Variants in TRIM35 observed in about 807,000 individuals in gnomAD.
TRIM35 encodes tripartite motif containing 35.
In TRIM35, 37 loss-of-function variants were observed where a neutral mutation model predicts 49.1. The observed-to-expected ratio is 0.75, with a 90% CI of 0.58 to 0.99. The LOEUF (loss-of-function observed/expected upper bound fraction) is 0.99. TRIM35 is among the 50% of genes least tolerant of loss of function. The pLI is 0.00. For missense variants in TRIM35, 648 were observed against 702.7 expected, an observed-to-expected ratio of 0.92 and a Z score of 0.88; for synonymous variants, 302 against 289.3, an observed-to-expected ratio of 1.04 and a Z score of -0.45.
intron 1 of TRIM35, among the ~76,000 whole-genome samples, chr8:27,305,810 G>A (rs1319916153): frequency 6.6e-6 from 1 of 152,186 alleles, no homozygotes; most frequent in African/African-American, 2.4e-5. Context: ...TGGGAGGCAG[G>A]AAACCTGAGT....
chr8:27,297,618 C>T (rs78341712), intron 2 of TRIM35, among the ~76,000 whole-genome samples: 7,281 of 152,194 alleles, frequency 0.048, 573 homozygotes, highest in African/African-American at 0.16. Context: ...AAATAGAAAA[C>T]AAAAGGTAAT....
At chr8:27,289,678 G>T (rs1375248312) in intron 4 of TRIM35, among the ~76,000 whole-genome samples, 1 of 152,280 alleles carries the variant, frequency 6.6e-6, no homozygotes, top group South Asian at 2.1e-4. Context: ...CTGCCAGTGG[G>T]AAGTGAGCAC....
intron 2 of TRIM35, among the ~76,000 whole-genome samples, chr8:27,297,627 AT>A (rs1802596611): frequency 6.6e-6 from 1 of 152,262 alleles, no homozygotes; most frequent in Non-Finnish European, 1.5e-5. Context: ...ACAAAAGGTA[AT>A]TACAGGTAAT....
chr8:27,303,097 A>T (rs1158389637), intron 1 of TRIM35, among the ~76,000 whole-genome samples: 1 of 152,208 alleles, frequency 6.6e-6, no homozygotes, highest in Non-Finnish European at 1.5e-5. Context: ...AAACTAATGA[A>T]ATTCCTTCCA....
intron 1 of TRIM35, among the ~76,000 whole-genome samples, chr8:27,308,572 A>C (rs1490137815): frequency 6.6e-6 from 1 of 152,176 alleles, no homozygotes; most frequent in East Asian, 1.9e-4. Flanking sequence ...ACCTACCTTG[A>C]ATCACACAGA....
chr8:27,303,033 T>C (rs1802710053), intron 1 of TRIM35, among the ~76,000 whole-genome samples: 1 of 152,248 alleles, frequency 6.6e-6, no homozygotes, highest in African/African-American at 2.4e-5. Context: ...CTTTCAATGT[T>C]TTGCCATTAA....
intron 1 of TRIM35, among the ~76,000 whole-genome samples, chr8:27,307,051 ATT>A (rs1338796304): frequency 6.6e-6 from 1 of 152,104 alleles, no homozygotes; most frequent in African/African-American, 2.4e-5. Context: ...TGGCTAGACT[ATT>A]TTTTCCTTTA....
chr8:27,306,300 A>G, intron 1 of TRIM35, among the ~76,000 whole-genome samples: 1 of 150,924 alleles, frequency 6.6e-6, no homozygotes, highest in East Asian at 1.9e-4. Context: ...CAACTTCATC[A>G]TCAGCATTCG....
At chr8:27,309,360 G>A (rs1802852290) in intron 1 of TRIM35, among the ~76,000 whole-genome samples, 1 of 152,174 alleles carries the variant, frequency 6.6e-6, no homozygotes, top group South Asian at 2.1e-4. Flanking sequence ...GCATTGACAT[G>A]GACCCATGTT....
Position 27,303,895 on chromosome 8 carries a change from T to C in TRIM35, c.436-5336A>G, listed in dbSNP as rs1016009144. The stretch of plus-strand genomic sequence containing the variant: ...TTTTAGTAGAGACAGGGTTTCACCA[T>C]GTTGGCCAGGCTGGTCTTGAACTCC... On this transcript the variant is annotated intron_variant, in intron 1 of 5. Coordinates refer to ENST00000305364, the MANE Select transcript of TRIM35 (RefSeq NM_171982.5). Among the ~76,000 whole-genome samples the C allele has an allele frequency of 1.3e-5, 2 of 152,308 alleles. 1 individual carries two copies. Among genetic ancestry groups the C allele is most frequent in the South Asian group, 4.1e-4 (2 of 4,824 alleles).
At chr8:27,301,989 T>C (rs1473476887) in intron 1 of TRIM35, among the ~76,000 whole-genome samples, 1 of 152,182 alleles carries the variant, frequency 6.6e-6, no homozygotes, top group African/African-American at 2.4e-5. Flanking sequence ...CACAGATCTG[T>C]TTTTTGGTTC....
intron 1 of TRIM35, chr8:27,304,618 T>C (rs1412060359): frequency 5.8e-6 from 2 of 345,750 alleles, no homozygotes; most frequent in African/African-American, 4.3e-5. Flanking sequence ...GGTACACTTC[T>C]GCAGAAGGAA....
intron 1 of TRIM35, among the ~76,000 whole-genome samples, chr8:27,306,722 G>C (rs1045081233): frequency 3.3e-5 from 5 of 152,214 alleles, no homozygotes; most frequent in Non-Finnish European, 5.9e-5. Flanking sequence ...AGCAGGTAAA[G>C]AATGTGCCGG....
chr8:27,306,321 TTTTC>T (rs1181270710), intron 1 of TRIM35, among the ~76,000 whole-genome samples: 2 of 139,664 alleles, frequency 1.4e-5, no homozygotes, highest in African/African-American at 2.7e-5. Context: ...TATTTTCTTT[TTTTC>T]TTTCTTTTTT....
chr8:27,307,300 T>C (rs1802806311), intron 1 of TRIM35, among the ~76,000 whole-genome samples: 1 of 151,982 alleles, frequency 6.6e-6, no homozygotes, highest in Non-Finnish European at 1.5e-5. Context: ...GAACCATCTC[T>C]CAGTCACTGC....
intron 1 of TRIM35, among the ~76,000 whole-genome samples, chr8:27,299,696 G>A (rs1380131904): frequency 6.6e-6 from 1 of 152,222 alleles, no homozygotes; most frequent in Non-Finnish European, 1.5e-5. Flanking sequence ...TTATACAGAT[G>A]TGTCGCCCAA....
rs1222405158 is a variant in TRIM35 at position 27,287,533 on chromosome 8, G to C, written c.*17C>G. On this transcript the variant is annotated 3_prime_UTR_variant, in exon 6 of 6. Coordinates refer to ENST00000305364, the MANE Select transcript of TRIM35 (RefSeq NM_171982.5). The surrounding 1 kb of genome is among the most constrained non-coding windows in gnomAD (Gnocchi z 6.0). ...AAACAGTGCTGTGGCACAAGACCGG[G>C]GCAGCCCCGGGCCAGCTCAGCCATC... 7.1e-6 allele frequency: 11 copies of C among 1,540,638 alleles called. No homozygotes were observed. In the East Asian group the frequency reaches 2.1e-4, roughly 30 times the overall value.
chr8:27,288,199 C>T (rs1802379341), intron 5 of TRIM35, 72 bp from the exon 6 acceptor site: 9 of 1,415,384 alleles, frequency 6.4e-6, no homozygotes, highest in Non-Finnish European at 8.6e-6. Context: ...TATCTCCAGC[C>T]CCACAAACCA....
intron 2 of TRIM35, among the ~76,000 whole-genome samples, chr8:27,294,557 A>G (rs965258414): frequency 6.6e-6 from 1 of 152,240 alleles, no homozygotes; most frequent in East Asian, 1.9e-4. Flanking sequence ...CACAGCTTAT[A>G]TAGATGGCAA....
Sources: gnomAD v4.1 joint callset for allele counts (sites outside exome capture counted in the v4.1 genomes callset) on GRCh38, gnomAD v4.1.1 for gene constraint, Gnocchi (gnomAD v3.1) non-coding constraint, MANE v1.5 for transcripts, NCBI Gene and HGNC (gene_info 2026-07-23, HGNC 2026-07-21) for gene names.